Variants in CCDC7 observed in about 807,000 individuals in gnomAD.
CCDC7 encodes coiled-coil domain containing 7, also known as coiled-coil domain-containing protein 7.
In CCDC7, 183 loss-of-function variants were observed where a neutral mutation model predicts 196.9. The observed-to-expected ratio is 0.93, with a 90% CI of 0.82 to 1.05. CCDC7 has a LOEUF of 1.05. Ranked by LOEUF, CCDC7 falls within the 50% of genes least tolerant of loss-of-function variation. CCDC7 has a pLI of 0.00. For synonymous variants in CCDC7, 525 were observed against 484.6 expected, an observed-to-expected ratio of 1.08 and a Z score of -1.10; for missense variants, 1,540 against 1,482.2, an observed-to-expected ratio of 1.04 and a Z score of -0.64.
chr10:32,657,862 T>C (rs2070312180), intron 20 of CCDC7, among the ~76,000 whole-genome samples: 1 of 152,252 alleles, frequency 6.6e-6, no homozygotes, highest in Admixed American at 6.5e-5. Context: ...AACACTTTGC[T>C]GCTTAGAAAT....
At chr10:32,485,166 C>A (rs1053950528) in intron 8 of CCDC7, among the ~76,000 whole-genome samples, 18 of 152,204 alleles carry the variant, frequency 1.2e-4, no homozygotes, top group Non-Finnish European at 2.2e-4. Flanking sequence ...ATTATTGCCT[C>A]AATTTCAGAG....
chr10:32,685,207 T>TG (rs2141122860), intron 21 of CCDC7, among the ~76,000 whole-genome samples: 1 of 44,070 alleles, frequency 2.3e-5, no homozygotes, highest in East Asian at 7.3e-4. Context: ...TTCTCTTTTT[T>TG]GGATTTTTTT....
intron 25 of CCDC7, among the ~76,000 whole-genome samples, chr10:32,722,664 G>A (rs77572860): frequency 0.039 from 5,891 of 151,908 alleles, 121 homozygotes; most frequent in Middle Eastern, 0.051. Flanking sequence ...TTGAATTAGG[G>A]CCCACTCTAA....
chr10:32,738,807 C>T (rs1351697999), intron 28 of CCDC7, among the ~76,000 whole-genome samples: 2 of 151,974 alleles, frequency 1.3e-5, no homozygotes, highest in Non-Finnish European at 2.9e-5. Context: ...AATATTTTTT[C>T]TCTCTTTATG....
intron 20 of CCDC7, among the ~76,000 whole-genome samples, chr10:32,642,451 G>T (rs7069975): frequency 0.14 from 21,674 of 152,232 alleles, 1,897 homozygotes; most frequent in African/African-American, 0.25. Flanking sequence ...CTCCGAGCCA[G>T]GTGCGGGATA....
Position 32,567,080 on chromosome 10 carries a change from TTA to T in CCDC7, c.1198-580_1198-579del, listed in dbSNP as rs930387957. 3.7e-3 allele frequency among the ~76,000 whole-genome samples: 546 copies of T among 145,824 alleles called. 2 individuals carry two copies. The highest frequency in any genetic ancestry group is 4.7e-3 in the Non-Finnish European group (315 of 66,550). Reference sequence around the variant, plus strand: ...ATATATAGCTAATATATAATATATATTATATATATATTAGTTATATTTAGAAA... The same window carrying T: ...ATATATAGCTAATATATAATATATATTATATATATTAGTTATATTTAGAAA... On this transcript the variant is annotated intron_variant, in intron 14 of 41. Coordinates refer to ENST00000639629, the Ensembl canonical transcript of CCDC7.
chr10:32,456,406 A>C (rs750984211), intron 3 of CCDC7, 72 bp downstream of exon 4: 2 of 1,255,676 alleles, frequency 1.6e-6, no homozygotes, highest in South Asian at 4.8e-5. Context: ...TGAATCTGCT[A>C]TCCAGTCAGC....
chr10:32,710,195 C>T (rs1356693985), intron 24 of CCDC7, among the ~76,000 whole-genome samples: 5 of 152,310 alleles, frequency 3.3e-5, no homozygotes, highest in African/African-American at 1.2e-4. Flanking sequence ...TTACCTCATT[C>T]ATCATGCAGG....
At chr10:32,792,123 G>A (rs981923358) in intron 29 of CCDC7, among the ~76,000 whole-genome samples, 9 of 151,992 alleles carry the variant, frequency 5.9e-5, no homozygotes, top group African/African-American at 2.2e-4. Context: ...GAGAAATAAA[G>A]GAAAAATAAT....
intron 18 of CCDC7, among the ~76,000 whole-genome samples, chr10:32,626,325 A>C (rs2064037860): frequency 6.6e-6 from 1 of 151,942 alleles, no homozygotes; most frequent in Admixed American, 6.6e-5. Context: ...AATGATGTTG[A>C]GCTTTAAAAA....
intron 20 of CCDC7, among the ~76,000 whole-genome samples, chr10:32,648,217 T>C (rs1214695876): frequency 6.6e-6 from 1 of 152,190 alleles, no homozygotes; most frequent in Non-Finnish European, 1.5e-5. Flanking sequence ...ACCAAACTGT[T>C]TTGGTTATTG....
intron 11 of CCDC7, among the ~76,000 whole-genome samples, chr10:32,537,317 T>C (rs2050677838): frequency 6.6e-6 from 1 of 152,210 alleles, no homozygotes; most frequent in South Asian, 2.1e-4. Flanking sequence ...AAGTGTCCAT[T>C]CATGTCCTTT....
At chr10:32,564,755 A>T (rs1298967531) in intron 13 of CCDC7, among the ~76,000 whole-genome samples, 1 of 152,068 alleles carries the variant, frequency 6.6e-6, no homozygotes, top group Non-Finnish European at 1.5e-5. Context: ...ATACATATGT[A>T]ACTAACCTGC....
intron 13 of CCDC7, among the ~76,000 whole-genome samples, chr10:32,546,658 A>C (rs2052515334): frequency 1.3e-5 from 2 of 152,252 alleles, no homozygotes; most frequent in East Asian, 3.8e-4. Context: ...TTGTAGCATT[A>C]GTTTTCTATT....
At chr10:32,733,564 C>T (rs1039720208) in intron 28 of CCDC7, among the ~76,000 whole-genome samples, 3 of 151,868 alleles carry the variant, frequency 2.0e-5, no homozygotes, top group African/African-American at 7.3e-5. Context: ...GAATTTTGTT[C>T]TTAGCTTTGT....
chr10:32,668,377 A>T (rs2073292437), intron 21 of CCDC7, among the ~76,000 whole-genome samples: 1 of 152,092 alleles, frequency 6.6e-6, no homozygotes, highest in South Asian at 2.1e-4. Context: ...CTCCTGCCTG[A>T]TTGCCCTGGC....
At chr10:32,854,544 C>A in intron 41 of CCDC7, 55 bp downstream of exon 42, 1 of 1,136,556 alleles carries the variant, frequency 8.8e-7, no homozygotes, top group South Asian at 1.4e-5. Flanking sequence ...GCTATATTCT[C>A]ATCGTCTCTA....
In CCDC7 at chr10:32,836,384, A is replaced by G. The variant is rs1047969886; in HGVS notation, c.3352+1486A>G. Among the ~76,000 whole-genome samples the G allele has an allele frequency of 3.3e-5, 5 of 152,158 alleles. No individual in the cohort carries two copies. The East Asian group carries it at 9.6e-4, about 29-fold the overall frequency. On this transcript the variant is annotated intron_variant, in intron 33 of 41. Coordinates refer to ENST00000639629, the Ensembl canonical transcript of CCDC7. ...AAATCAATATCTAGATTTTTCTACA[A>G]TATCATCCAAAATATCCAAAATATC...
chr10:32,620,764 C>T (rs983665971), intron 18 of CCDC7, among the ~76,000 whole-genome samples: 2 of 152,142 alleles, frequency 1.3e-5, no homozygotes, highest in African/African-American at 2.4e-5. Context: ...TCAGATGTTA[C>T]TGACTAAAGG....
Sources: allele counts gnomAD v4.1 joint callset (sites outside exome capture counted in the v4.1 genomes callset), GRCh38; gene constraint gnomAD v4.1.1; transcripts MANE v1.5; gene names NCBI Gene and HGNC (gene_info 2026-07-23, HGNC 2026-07-21).